Variants in PHLPP1 observed in about 807,000 individuals in gnomAD.
The protein encoded by PHLPP1 is PH domain leucine-rich repeat-containing protein phosphatase 1.
Under a neutral mutation model 117.2 loss-of-function variants are expected in PHLPP1, and 42 were observed. The ratio of observed to expected loss-of-function variants is 0.36; its 90% CI spans 0.28 to 0.46. The LOEUF (loss-of-function observed/expected upper bound fraction) is 0.46. PHLPP1 is among the 20% of genes least tolerant of loss of function. The probability of loss-of-function intolerance (pLI) is 1.00; values close to 1 mark genes in which losing one functional copy is unlikely to be tolerated. For synonymous variants in PHLPP1, 1,042 were observed against 970.7 expected (o/e 1.07, Z -1.37); for missense variants, 2,084 against 2,241.9 (o/e 0.93, Z 1.42).
intron 10 of PHLPP1, among the ~76,000 whole-genome samples, chr18:62,925,893 C>T (rs996574440): frequency 6.6e-6 from 1 of 152,126 alleles, no homozygotes; most frequent in Non-Finnish European, 1.5e-5. Context: ...ATCAAGGCTC[C>T]CCCAGTGACT....
intron 1 of PHLPP1, among the ~76,000 whole-genome samples, chr18:62,771,211 CAAAA>C (rs766950169): frequency 0.037 from 2,177 of 58,712 alleles, 44 homozygotes; most frequent in African/African-American, 0.11. Context: ...GAGACTGTCT[CAAAA>C]AAAAAAAAAA....
At chr18:62,728,797 G>A (rs529867424) in intron 1 of PHLPP1, among the ~76,000 whole-genome samples, 5 of 152,250 alleles carry the variant, frequency 3.3e-5, no homozygotes, top group Admixed American at 1.3e-4. Context: ...ATGAGCCACT[G>A]CGCCTGGCCT....
In PHLPP1 at chr18:62,746,738, G is replaced by A. The variant is rs141449465; in HGVS notation, c.1576+29479G>A. Among the ~76,000 whole-genome samples, 949 of 150,892 alleles carry A rather than the reference G, an allele frequency of 6.3e-3. 9 individuals are homozygous for A. The highest frequency in any genetic ancestry group is 0.017 in the Middle Eastern group (5 of 292). On this transcript the variant is annotated intron_variant, in intron 1 of 16. Transcript: ENST00000262719. Reference sequence around the variant, plus strand: ...CAACTTTTGATCCACAACCTGGCGCGTGTGTTGTGAGATTTATTCCTATAT... The same window carrying A: ...CAACTTTTGATCCACAACCTGGCGCATGTGTTGTGAGATTTATTCCTATAT...
intron 13 of PHLPP1, among the ~76,000 whole-genome samples, chr18:62,960,820 C>T (rs1469198990): frequency 2.6e-5 from 4 of 152,136 alleles, no homozygotes; most frequent in African/African-American, 9.7e-5. Context: ...AATCATAATA[C>T]TCTTAAAATG....
chr18:62,831,270 A>G (rs1360521286), intron 2 of PHLPP1, among the ~76,000 whole-genome samples: 1 of 152,096 alleles, frequency 6.6e-6, no homozygotes, highest in African/African-American at 2.4e-5. Context: ...ATGTTAATAA[A>G]TGGAAATTAG....
chr18:62,944,808 C>A (rs1243621668), intron 11 of PHLPP1, among the ~76,000 whole-genome samples: 2 of 152,108 alleles, frequency 1.3e-5, no homozygotes, highest in African/African-American at 4.8e-5. Context: ...AGTGTTCAGA[C>A]CAAGCTATAC....
chr18:62,725,602 A>C (rs1911044961), intron 1 of PHLPP1, among the ~76,000 whole-genome samples: 2 of 151,658 alleles, frequency 1.3e-5, no homozygotes, highest in Non-Finnish European at 3.0e-5. Context: ...CATTGCTTTG[A>C]ATACTTTCTC....
chr18:62,774,072 T>C (rs1912878039), intron 1 of PHLPP1, among the ~76,000 whole-genome samples: 1 of 152,190 alleles, frequency 6.6e-6, no homozygotes, highest in Non-Finnish European at 1.5e-5. Flanking sequence ...TACATGTTTT[T>C]TTGTGGGTGG....
In PHLPP1 at chr18:62,920,016, G is replaced by A. The variant is rs369439403; in HGVS notation, c.2862G>A (p.Arg954=). 4.5e-5 allele frequency: 73 copies of A among 1,611,076 alleles called. No homozygotes were observed. The African/African-American group carries it at 8.4e-4, about 19-fold the overall frequency. Residue 954 remains arginine (R), a synonymous_variant, in exon 10 of 17, where the codon AGG becomes AGA. Transcript: ENST00000262719. ...KLLAGHNQLA[R]LPERLERTSV... ...TGGCAGGACACAACCAGTTGGCAAGGCTGCCTGAAAGGCTAGAAAGAACCT... is the reference window on the plus strand; with the variant it reads ...TGGCAGGACACAACCAGTTGGCAAGACTGCCTGAAAGGCTAGAAAGAACCT...
At chr18:62,726,321 CT>C (rs76301799) in intron 1 of PHLPP1, among the ~76,000 whole-genome samples, 131 of 139,406 alleles carry the variant, frequency 9.4e-4, no homozygotes, top group Admixed American at 1.4e-3. Flanking sequence ...CCCTTGCCTG[CT>C]TTTTTTTTTT....
chr18:62,889,028 TAA>T (rs1916350781), intron 4 of PHLPP1, among the ~76,000 whole-genome samples: 1 of 152,210 alleles, frequency 6.6e-6, no homozygotes, highest in South Asian at 2.1e-4. Flanking sequence ...AAATGTCCTA[TAA>T]TCTGACTGCT....
chr18:62,963,547 C>T (rs1337397115), intron 14 of PHLPP1, 75 bp downstream of exon 14: 2 of 932,422 alleles, frequency 2.1e-6, no homozygotes, highest in South Asian at 2.9e-5. Context: ...GAAAGAAACT[C>T]AGTGCTGTAG....
intron 13 of PHLPP1, among the ~76,000 whole-genome samples, chr18:62,959,131 C>A (rs1347277161): frequency 6.6e-6 from 1 of 152,130 alleles, no homozygotes; most frequent in Non-Finnish European, 1.5e-5. Flanking sequence ...GTCATTGATG[C>A]TGTTTCATTC....
chr18:62,845,212 C>A (rs1218988991), intron 3 of PHLPP1, among the ~76,000 whole-genome samples: 1 of 152,032 alleles, frequency 6.6e-6, no homozygotes, highest in Non-Finnish European at 1.5e-5. Flanking sequence ...TGATCAGTGG[C>A]TGACAGTTGC....
chr18:62,879,144 C>T (rs1245743132), intron 4 of PHLPP1, among the ~76,000 whole-genome samples: 1 of 152,078 alleles, frequency 6.6e-6, no homozygotes, highest in Non-Finnish European at 1.5e-5. Context: ...ACATAATCCC[C>T]CATGCAACAG....
intron 4 of PHLPP1, among the ~76,000 whole-genome samples, chr18:62,861,744 T>C (rs1363854421): frequency 6.6e-6 from 1 of 152,258 alleles, no homozygotes; most frequent in Non-Finnish European, 1.5e-5. Context: ...GTGGATGTAA[T>C]TGGAAAATGG....
At chr18:62,877,043 G>A (rs1916065361) in intron 4 of PHLPP1, among the ~76,000 whole-genome samples, 1 of 152,178 alleles carries the variant, frequency 6.6e-6, no homozygotes, top group Admixed American at 6.5e-5. Context: ...AATGAGCGAT[G>A]AGAAACTCCT....
At chr18:62,791,105 A>G (rs555924992) in intron 1 of PHLPP1, among the ~76,000 whole-genome samples, 10 of 152,234 alleles carry the variant, frequency 6.6e-5, no homozygotes, top group East Asian at 1.9e-4. Context: ...TTCCCAAGAC[A>G]AGCAAAGACA....
chr18:62,819,430 A>G (rs1042855723), intron 1 of PHLPP1, among the ~76,000 whole-genome samples: 3 of 152,228 alleles, frequency 2.0e-5, no homozygotes, highest in African/African-American at 7.2e-5. Flanking sequence ...AAATGGAATC[A>G]GTTAATACAA....
Sources: gnomAD v4.1 joint callset for allele counts (sites outside exome capture counted in the v4.1 genomes callset) on GRCh38, gnomAD v4.1.1 for gene constraint, MANE v1.5 for transcripts, NCBI Gene and HGNC (gene_info 2026-07-23, HGNC 2026-07-21) for gene names.